The following GALNT13 variants were observed in gnomAD, a reference collection of about 807,000 sequenced individuals.
GALNT13 encodes the protein polypeptide N-acetylgalactosaminyltransferase 13.
Under a neutral mutation model 64.2 loss-of-function variants are expected in GALNT13, and 28 were observed. The ratio of observed to expected loss-of-function variants is 0.44; its 90% CI spans 0.32 to 0.60. GALNT13 has a LOEUF of 0.60. GALNT13 is among the 20% of genes least tolerant of loss of function. The pLI is 0.05. For synonymous variants in GALNT13, 214 were observed against 224.6 expected (o/e 0.95, Z 0.42); for missense variants, 577 against 669.8 (o/e 0.86, Z 1.53).
chr2:153,301,309 C>CAAAAAAAAAA, the GALNT13 span, among the ~76,000 whole-genome samples: 12 of 76,412 alleles, frequency 1.6e-4, no homozygotes, highest in South Asian at 3.4e-4. Context: ...GACTCCTTCT[C>CAAAAAAAAAA]AAAAAAAAAG....
the GALNT13 span, among the ~76,000 whole-genome samples, chr2:153,382,734 A>G: frequency 6.6e-6 from 1 of 152,118 alleles, no homozygotes; most frequent in Admixed American, 6.6e-5. Context: ...AATCAGGGAT[A>G]AATCTGAAAT....
chr2:153,398,344 C>T, the GALNT13 span, among the ~76,000 whole-genome samples: 602 of 152,162 alleles, frequency 4.0e-3, 1 homozygote, highest in African/African-American at 0.014. Flanking sequence ...TGGGTTGGTT[C>T]CAAGTCTTTG....
the GALNT13 span, among the ~76,000 whole-genome samples, chr2:153,844,723 A>G: frequency 6.6e-6 from 1 of 151,928 alleles, no homozygotes; most frequent in Admixed American, 6.6e-5. Flanking sequence ...ATAAATTCTC[A>G]CCTTAAGTCA....
At chr2:153,806,532 C>A in the GALNT13 span, among the ~76,000 whole-genome samples, 1 of 151,810 alleles carries the variant, frequency 6.6e-6, no homozygotes. Flanking sequence ...TCAATTTAAG[C>A]ATTGAATATC....
chr2:153,263,794 A>G, the GALNT13 span, among the ~76,000 whole-genome samples: 1 of 152,208 alleles, frequency 6.6e-6, no homozygotes, highest in African/African-American at 2.4e-5. Flanking sequence ...ACAAAAATTA[A>G]TTCAAGATGG....
chr2:153,581,332 T>C, the GALNT13 span, among the ~76,000 whole-genome samples: 1 of 152,236 alleles, frequency 6.6e-6, no homozygotes, highest in East Asian at 1.9e-4. Flanking sequence ...GTGTTCACCA[T>C]TGTTATATTT....
At chr2:154,085,724 G>A (rs1701488560) in intron 3 of GALNT13, among the ~76,000 whole-genome samples, 1 of 151,882 alleles carries the variant, frequency 6.6e-6, no homozygotes, top group South Asian at 2.1e-4. Flanking sequence ...ATTCCTCACT[G>A]ACCGATTTTC....
chr2:154,282,558 C>G (rs978069231), intron 8 of GALNT13, among the ~76,000 whole-genome samples: 13 of 152,270 alleles, frequency 8.5e-5, no homozygotes, highest in East Asian at 1.9e-4. Flanking sequence ...ATTCCCTCTT[C>G]TTCTGCATGT....
chr2:153,627,547 G>A, the GALNT13 span, among the ~76,000 whole-genome samples: 16 of 152,098 alleles, frequency 1.1e-4, no homozygotes, highest in East Asian at 2.9e-3. Flanking sequence ...AAGCCATAAT[G>A]TTCCCAACAC....
At chr2:153,119,186 C>T in the GALNT13 span, among the ~76,000 whole-genome samples, 1 of 151,970 alleles carries the variant, frequency 6.6e-6, no homozygotes, top group African/African-American at 2.4e-5. Context: ...TATAAATGAC[C>T]CAGTCTTGGG....
the GALNT13 span, among the ~76,000 whole-genome samples, chr2:153,773,311 C>A: frequency 1.3e-5 from 2 of 152,206 alleles, no homozygotes; most frequent in Non-Finnish European, 2.9e-5. Context: ...GCTGAAAGCT[C>A]CCAGTGTAAC....
At chr2:153,412,712 C>A in the GALNT13 span, among the ~76,000 whole-genome samples, 4 of 152,132 alleles carry the variant, frequency 2.6e-5, no homozygotes, top group Non-Finnish European at 4.4e-5. Context: ...TTCTTTTGTT[C>A]AAAGAACACC....
the GALNT13 span, among the ~76,000 whole-genome samples, chr2:153,836,211 T>C: frequency 1.3e-5 from 2 of 152,040 alleles, no homozygotes; most frequent in Admixed American, 1.3e-4. Flanking sequence ...GAGAAAATGT[T>C]TTTATTGTAT....
the GALNT13 span, among the ~76,000 whole-genome samples, chr2:153,422,737 A>G: frequency 1.6e-4 from 24 of 152,148 alleles, no homozygotes; most frequent in Non-Finnish European, 2.5e-4. Flanking sequence ...TAAGAAAAAA[A>G]TACACTTTAC....
intron 2 of GALNT13, among the ~76,000 whole-genome samples, chr2:153,936,805 C>T (rs1017986022): frequency 6.6e-6 from 1 of 151,936 alleles, no homozygotes; most frequent in Non-Finnish European, 1.5e-5. Flanking sequence ...ACTGCCATCT[C>T]CACCTCCCGG....
At chr2:153,106,041 T>C in the GALNT13 span, among the ~76,000 whole-genome samples, 2 of 152,178 alleles carry the variant, frequency 1.3e-5, no homozygotes, top group South Asian at 2.1e-4. Context: ...CTGTCTTTTC[T>C]GTGTTGTGCA....
chr2:154,038,726 A>C (rs893457166), intron 3 of GALNT13, among the ~76,000 whole-genome samples: 1 of 152,154 alleles, frequency 6.6e-6, no homozygotes. Flanking sequence ...GGGTAGGACT[A>C]TGAAAGCATA....
At chr2:153,979,480 T>C (rs1480721180) in intron 3 of GALNT13, among the ~76,000 whole-genome samples, 1 of 152,134 alleles carries the variant, frequency 6.6e-6, no homozygotes, top group African/African-American at 2.4e-5. Context: ...ATTATGGTCT[T>C]TGAGAAACTT....
At chr2:153,292,610 A>G in the GALNT13 span, among the ~76,000 whole-genome samples, 1 of 152,168 alleles carries the variant, frequency 6.6e-6, no homozygotes, top group Non-Finnish European at 1.5e-5. Context: ...GCAGCAGATC[A>G]GATTGATATT....
Sources: gnomAD v4.1 joint callset for allele counts (sites outside exome capture counted in the v4.1 genomes callset) on GRCh38, gnomAD v4.1.1 for gene constraint, MANE v1.5 for transcripts, NCBI Gene and HGNC (gene_info 2026-07-23, HGNC 2026-07-21) for gene names.